RNASEH2B: variants seen among roughly 807,000 people sequenced by gnomAD.
RNASEH2B encodes the protein ribonuclease H2 subunit B, also known as Aicardi-Goutieres syndrome 2 protein.
In RNASEH2B, 36 loss-of-function variants were observed where a neutral mutation model predicts 45.0. That is an observed-to-expected ratio of 0.80 (90% CI 0.61 to 1.06). The LOEUF is 1.06. Among genes scored for constraint, RNASEH2B ranks in the 50% least tolerant of loss-of-function variants. RNASEH2B has a pLI of 0.00. For synonymous variants in RNASEH2B, 119 were observed against 125.7 expected, an observed-to-expected ratio of 0.95 and a Z score of 0.35; for missense variants, 361 against 360.3, an observed-to-expected ratio of 1.00 and a Z score of -0.02.
chr13:50,968,980 G>T (rs1008482277), intron 9 of RNASEH2B, among the ~76,000 whole-genome samples: 1 of 152,170 alleles, frequency 6.6e-6, no homozygotes, highest in Non-Finnish European at 1.5e-5. Context: ...ATTAAAGTTA[G>T]ACATGTTGTT....
At position 50,927,450 on chromosome 13, in the gene RNASEH2B, G is replaced by A; in HGVS notation, c.108G>A (p.Met36Ile). The A allele has an allele frequency of 6.2e-7, 1 of 1,603,010 alleles. No individual in the cohort carries two copies. The highest frequency in any genetic ancestry group is 8.5e-7 in the Non-Finnish European group (1 of 1,170,088). ...CAAAGAAGATGAAAAATGGGCTAATGTTTGTAAAACTGGTTAACCCCTGTT... is the reference window on the plus strand; with the variant it reads ...CAAAGAAGATGAAAAATGGGCTAATATTTGTAAAACTGGTTAACCCCTGTT... ...DASKKMKNGL[M>I]FVKLVNPCSG... The change falls in exon 2 of 11, where the codon ATG becomes ATA. Residue 36 changes from methionine (M) to isoleucine (I), a missense_variant. By Grantham distance (10) the Met-to-Ile change is conservative. Transcript: ENST00000336617.
chr13:50,933,098 C>T (rs79799778), intron 4 of RNASEH2B, among the ~76,000 whole-genome samples: 2,610 of 152,318 alleles, frequency 0.017, 74 homozygotes, highest in African/African-American at 0.06. Context: ...CCACCAGGAA[C>T]GCCCTGGGGA....
intron 9 of RNASEH2B, 72 bp from the exon 10 acceptor site, chr13:50,953,833 G>T (rs1952007121): frequency 1.9e-6 from 2 of 1,027,566 alleles, no homozygotes; most frequent in Non-Finnish European, 3.1e-6. Context: ...TATACATGTT[G>T]GGTTTTTTTT....
intron 5 of RNASEH2B, chr13:50,942,533 T>C (rs1260724242): frequency 2.6e-5 from 4 of 152,168 alleles, no homozygotes; most frequent in Non-Finnish European, 5.9e-5. Flanking sequence ...TTTTCTTTAT[T>C]GGGATTTTCA....
chr13:50,957,672 T>C (rs1205346126), downstream of RNASEH2B, among the ~76,000 whole-genome samples: 2 of 152,200 alleles, frequency 1.3e-5, no homozygotes, highest in East Asian at 3.8e-4. Flanking sequence ...TTTTAGTTCT[T>C]TGAGAATTCT....
intron 8 of RNASEH2B, 163 bp from the exon 9 acceptor site, chr13:50,949,300 G>T: frequency 1.6e-6 from 1 of 641,284 alleles, no homozygotes; most frequent in Non-Finnish European, 2.8e-6. Flanking sequence ...CATTTATTGA[G>T]AAAACTTTCA....
At chr13:50,916,312 A>G (rs541677484) in intron 1 of RNASEH2B, among the ~76,000 whole-genome samples, 1 of 152,182 alleles carries the variant, frequency 6.6e-6, no homozygotes, top group South Asian at 2.1e-4. Flanking sequence ...TTGGGGTTAC[A>G]TAAAAGTTTA....
intron 7 of RNASEH2B, among the ~76,000 whole-genome samples, chr13:50,946,438 C>T (rs1951901567): frequency 6.6e-6 from 1 of 152,160 alleles, no homozygotes; most frequent in African/African-American, 2.4e-5. Context: ...TACTGCCATT[C>T]TGGGAGTGGT....
intron 7 of RNASEH2B, among the ~76,000 whole-genome samples, chr13:50,945,804 G>C (rs1951894054): frequency 6.6e-6 from 1 of 152,102 alleles, no homozygotes; most frequent in African/African-American, 2.4e-5. Flanking sequence ...ATCATTTATT[G>C]AGGGTGTATT....
At chr13:50,937,988 T>A (rs1372797149) in intron 5 of RNASEH2B, 1 of 152,206 alleles carries the variant, frequency 6.6e-6, no homozygotes, top group Non-Finnish European at 1.5e-5. Context: ...AAGTCAGTAG[T>A]ACAACTGTCT....
chr13:50,914,782 T>G (rs1879640368), intron 1 of RNASEH2B, among the ~76,000 whole-genome samples: 1 of 152,130 alleles, frequency 6.6e-6, no homozygotes. Context: ...TCCCACATAT[T>G]TATCCTCCAG....
intron 9 of RNASEH2B, among the ~76,000 whole-genome samples, chr13:50,964,185 G>A (rs1311022960): frequency 6.6e-6 from 1 of 152,042 alleles, no homozygotes; most frequent in African/African-American, 2.4e-5. Context: ...GGCAGTAAGA[G>A]GAAACTCCAT....
At chr13:50,934,832 C>A in intron 4 of RNASEH2B, 53 bp from the exon 5 acceptor site, 1 of 1,250,498 alleles carries the variant, frequency 8.0e-7, no homozygotes, top group Non-Finnish European at 1.2e-6. Flanking sequence ...CTCTTTTTTT[C>A]TGAATGTCTT....
chr13:50,965,077 A>T (rs1204109822), intron 9 of RNASEH2B, among the ~76,000 whole-genome samples: 1 of 152,202 alleles, frequency 6.6e-6, no homozygotes, highest in African/African-American at 2.4e-5. Flanking sequence ...TGCATATGCG[A>T]TGGTGGTCCC....
intron 6 of RNASEH2B, 42 bp from the exon 7 acceptor site, chr13:50,945,385 A>G: frequency 1.5e-6 from 2 of 1,372,940 alleles, no homozygotes; most frequent in Non-Finnish European, 2.1e-6. Context: ...TCTAAAGTTA[A>G]GTTGAAAATA....
At chr13:50,923,990 T>C (rs1057253949) in intron 1 of RNASEH2B, among the ~76,000 whole-genome samples, 2 of 152,198 alleles carry the variant, frequency 1.3e-5, no homozygotes, top group Admixed American at 1.3e-4. Flanking sequence ...AGATACTAAT[T>C]GTAATTCCCA....
chr13:50,939,714 T>C (rs536451023), intron 5 of RNASEH2B, among the ~76,000 whole-genome samples: 1 of 152,224 alleles, frequency 6.6e-6, no homozygotes, highest in East Asian at 1.9e-4. Flanking sequence ...GATGGAAGAA[T>C]TTGGTATACA....
intron 1 of RNASEH2B, chr13:50,910,675 C>A (rs1315014799): frequency 6.6e-6 from 1 of 152,598 alleles, no homozygotes; most frequent in Non-Finnish European, 1.5e-5. Context: ...GGATGATGAC[C>A]ACAGGAGTGC....
At chr13:50,958,575 C>CT (rs911846734), downstream of RNASEH2B, among the ~76,000 whole-genome samples, 4 of 151,872 alleles carry the variant, frequency 2.6e-5, no homozygotes, top group South Asian at 2.1e-4. Flanking sequence ...GCTATCCAAG[C>CT]TTTTTTTTGG....
Sources: gnomAD v4.1 joint callset for allele counts (sites outside exome capture counted in the v4.1 genomes callset) on GRCh38, gnomAD v4.1.1 for gene constraint, MANE v1.5 for transcripts, NCBI Gene and HGNC (gene_info 2026-07-23, HGNC 2026-07-21) for gene names.